The following CACNA2D2 variants were observed in gnomAD, a reference collection of about 807,000 sequenced individuals.
The protein encoded by CACNA2D2 is voltage-dependent calcium channel subunit alpha-2/delta-2.
Under a neutral mutation model 166.4 loss-of-function variants are expected in CACNA2D2, and 48 were observed. The observed-to-expected ratio is 0.29, with a 90% CI of 0.23 to 0.37. The LOEUF (loss-of-function observed/expected upper bound fraction) is 0.37. Ranked by LOEUF, CACNA2D2 falls within the 10% of genes least tolerant of loss-of-function variation. The pLI, the probability that CACNA2D2 is intolerant of heterozygous loss-of-function variation, is 1.00. For missense variants in CACNA2D2, 1,122 were observed against 1,433.0 expected (o/e 0.78, Z 3.50); for synonymous variants, 561 against 573.7 (o/e 0.98, Z 0.32).
intron 2 of CACNA2D2, among the ~76,000 whole-genome samples, chr3:50,459,864 T>TGCTTCCCA (rs1709518394): frequency 5.3e-5 from 8 of 152,148 alleles, no homozygotes; most frequent in Admixed American, 5.2e-4. Context: ...AGGCAGGCAG[T>TGCTTCCCA]GCTTCCCAAC....
intron 2 of CACNA2D2, among the ~76,000 whole-genome samples, chr3:50,472,436 T>C (rs1363337242): frequency 1.3e-5 from 2 of 152,228 alleles, no homozygotes; most frequent in African/African-American, 4.8e-5. Flanking sequence ...CTGTCTCGGG[T>C]TCCTGCTTCT....
chr3:50,372,570 G>C (rs1179212686), intron 22 of CACNA2D2, among the ~76,000 whole-genome samples: 1 of 152,182 alleles, frequency 6.6e-6, no homozygotes, highest in Non-Finnish European at 1.5e-5. Context: ...GCCAGCTTCT[G>C]AAGCTACTGC....
chr3:50,425,993 A>G (rs1294754651), intron 3 of CACNA2D2, among the ~76,000 whole-genome samples: 1 of 152,108 alleles, frequency 6.6e-6, no homozygotes, highest in Non-Finnish European at 1.5e-5. Context: ...TCCTGCCTCT[A>G]GGCCCTTGCT....
intron 1 of CACNA2D2, among the ~76,000 whole-genome samples, chr3:50,493,318 G>A (rs1698594172): frequency 6.6e-6 from 1 of 152,232 alleles, no homozygotes; most frequent in African/African-American, 2.4e-5. Context: ...TTGGTTCAGA[G>A]TGGGCATGTG....
In CACNA2D2 at chr3:50,366,396, C is replaced by G; in HGVS notation, c.2638-58G>C. 3.2e-6 allele frequency: 5 copies of G among 1,569,336 alleles called. No homozygotes were observed. The highest frequency in any genetic ancestry group is 2.2e-5 in the East Asian group (1 of 44,638). ...AGGGGCTGGGCCCCGGACCTTCCAC[C>G]GCAGGCAGTCCAGTGGTTCAGAGTT... is the stretch of plus-strand genomic sequence containing the variant. On this transcript the variant is annotated intron_variant, in intron 30 of 37. Transcript: ENST00000424201. This position sits in a 1 kb window ranked among gnomAD's most constrained non-coding sequence, Gnocchi z 5.9.
At chr3:50,418,836 G>A (rs969757887) in intron 3 of CACNA2D2, among the ~76,000 whole-genome samples, 2 of 152,250 alleles carry the variant, frequency 1.3e-5, no homozygotes, top group African/African-American at 2.4e-5. Context: ...TCACAGCTGG[G>A]GCATGGCTGG....
chr3:50,402,438 G>A (rs1038544083), intron 3 of CACNA2D2, among the ~76,000 whole-genome samples: 1 of 152,226 alleles, frequency 6.6e-6, no homozygotes, highest in African/African-American at 2.4e-5. Flanking sequence ...GCCTTACCCA[G>A]TCCCCTGCTG....
chr3:50,445,807 C>T (rs1214373050), intron 2 of CACNA2D2, among the ~76,000 whole-genome samples: 1 of 152,208 alleles, frequency 6.6e-6, no homozygotes, highest in Non-Finnish European at 1.5e-5. Context: ...GGTGGGGTTA[C>T]CACCCAAAGC....
At chr3:50,452,444 C>G (rs1709145443) in intron 2 of CACNA2D2, among the ~76,000 whole-genome samples, 1 of 152,206 alleles carries the variant, frequency 6.6e-6, no homozygotes, top group Non-Finnish European at 1.5e-5. Context: ...CTGACGAGAA[C>G]CTCTCCATGG....
At chr3:50,479,960 G>A (rs1697975616) in intron 1 of CACNA2D2, among the ~76,000 whole-genome samples, 1 of 152,220 alleles carries the variant, frequency 6.6e-6, no homozygotes, top group East Asian at 1.9e-4. Flanking sequence ...AAGGCAGTGA[G>A]GGGAGAGTGG....
intron 1 of CACNA2D2, among the ~76,000 whole-genome samples, chr3:50,488,432 G>A (rs552814229): frequency 7.2e-4 from 109 of 152,076 alleles, no homozygotes; most frequent in Admixed American, 6.9e-3. Flanking sequence ...AACTGGGCCC[G>A]GGTGCAGAGC....
rs974223225 is a variant in CACNA2D2, at chr3:50,366,648, C to T, written c.2590-23G>A. ...GCACTGCTGGGCAGAGAGTGAGGAC[C>T]GTAAGCCACCCACCAGTTTTCCTCC... On this transcript the variant is annotated intron_variant, in intron 29 of 37. Coordinates refer to ENST00000424201, the MANE Select transcript of CACNA2D2 (RefSeq NM_006030.4). The surrounding 1 kb of genome is among the most constrained non-coding windows in gnomAD (Gnocchi z 5.9). The T allele has an allele frequency of 8.1e-6, 13 of 1,613,546 alleles. No homozygotes were observed. The Admixed American group carries it at 8.3e-5, about 10-fold the overall frequency.
intron 4 of CACNA2D2, among the ~76,000 whole-genome samples, chr3:50,388,541 A>G (rs1010418592): frequency 1.3e-5 from 2 of 152,236 alleles, no homozygotes; most frequent in Non-Finnish European, 2.9e-5. Flanking sequence ...AGGTCTGCAG[A>G]TGGGAGTGGT....
At chr3:50,374,978 G>A (rs997191672) in intron 21 of CACNA2D2, among the ~76,000 whole-genome samples, 165 bp from the exon 22 acceptor site, 2 of 152,086 alleles carry the variant, frequency 1.3e-5, no homozygotes, top group Admixed American at 6.5e-5. Flanking sequence ...TGGTCTAGGG[G>A]CCGGCACCCT....
At chr3:50,412,273 C>T (rs1263584231) in intron 3 of CACNA2D2, among the ~76,000 whole-genome samples, 1 of 152,266 alleles carries the variant, frequency 6.6e-6, no homozygotes, top group African/African-American at 2.4e-5. Flanking sequence ...GGGTGGGTTG[C>T]CCTGTGAGGC....
chr3:50,365,184 C>A lies in CACNA2D2; in HGVS notation c.3099G>T (p.Arg1033Ser). The change falls in exon 36 of 38, where the codon AGG (arginine) becomes AGT (serine). Residue 1033 changes from arginine to serine, a missense_variant and splice_region_variant. Arg to Ser is a moderately radical substitution (Grantham distance 110). Transcript: ENST00000424201. The surrounding 1 kb of genome is among the most constrained non-coding windows in gnomAD (Gnocchi z 4.5). ...TGGTCAGTCTCTGCGCGTGGAACAGCCTGCGGGCAGCCCGGAAAGGCGGGG... is the reference window on the plus strand; with the variant it reads ...TGGTCAGTCTCTGCGCGTGGAACAGACTGCGGGCAGCCCGGAAAGGCGGGG... Reference protein sequence around the residue: ...NAIIDCGNCSRLFHAQRLTNT... With the variant: ...NAIIDCGNCSSLFHAQRLTNT... 6.2e-7 allele frequency: 1 copy of A among 1,611,838 alleles called. No individual in the cohort carries two copies. The highest frequency in any genetic ancestry group is 8.5e-7 in the Non-Finnish European group (1 of 1,179,574).
intron 2 of CACNA2D2, among the ~76,000 whole-genome samples, chr3:50,446,112 A>T (rs1708834826): frequency 6.6e-6 from 1 of 152,194 alleles, no homozygotes; most frequent in Non-Finnish European, 1.5e-5. Context: ...TAGCCTGAAC[A>T]GCCATGAACT....
At position 50,364,638 on chromosome 3, in the gene CACNA2D2, G is replaced by A; in HGVS notation, c.*28C>T. 6.7e-7 allele frequency: 1 copy of A among 1,489,416 alleles called. No individual in the cohort carries two copies. Among genetic ancestry groups the A allele is most frequent in the Non-Finnish European group, 8.9e-7 (1 of 1,118,948 alleles). The allele number at this position is 1,489,416 out of a possible 1,614,324, so 92.3% of individuals were successfully genotyped here. A position where few individuals can be genotyped will look rare whatever the true frequency, so the allele number is the denominator to read the frequency against. On this transcript the variant is annotated 3_prime_UTR_variant, in exon 38 of 38. Transcript: ENST00000424201. ...AAAGGCGAAGAGGCCGGGTGAGGTG[G>A]GAGTGGAGGTGGGGTGGGGCAGGGT...
intron 13 of CACNA2D2, 38 bp downstream of exon 13, chr3:50,378,877 G>A: frequency 6.2e-7 from 1 of 1,610,408 alleles, no homozygotes; most frequent in Non-Finnish European, 8.5e-7. Flanking sequence ...AAAAGAAATG[G>A]CAGGCAGGCC....
Sources: gnomAD v4.1 joint callset for allele counts (sites outside exome capture counted in the v4.1 genomes callset) on GRCh38, gnomAD v4.1.1 for gene constraint, Gnocchi (gnomAD v3.1) non-coding constraint, MANE v1.5 for transcripts, NCBI Gene and HGNC (gene_info 2026-07-23, HGNC 2026-07-21) for gene names.